Variants in CC2D2A observed in about 807,000 individuals in gnomAD.
CC2D2A encodes coiled-coil and C2 domain-containing protein 2A.
CC2D2A carries 155 observed loss-of-function variants against 212.9 expected under a neutral mutation model. That is an observed-to-expected ratio of 0.73 (90% CI 0.64 to 0.83). CC2D2A has a LOEUF of 0.83. Among genes scored for constraint, CC2D2A ranks in the 40% least tolerant of loss-of-function variants. The pLI, the probability that CC2D2A is intolerant of heterozygous loss-of-function variation, is 0.00. For synonymous variants in CC2D2A, 667 were observed against 686.5 expected, an observed-to-expected ratio of 0.97 and a Z score of 0.44; for missense variants, 1,856 against 1,956.2, an observed-to-expected ratio of 0.95 and a Z score of 0.97.
At chr4:15,510,597 T>A (rs1399168705) in intron 7 of CC2D2A, among the ~76,000 whole-genome samples, 35 of 152,116 alleles carry the variant, frequency 2.3e-4, no homozygotes, top group Non-Finnish European at 2.9e-5. Context: ...CCTCATCTCT[T>A]AATTAAAAAT....
Position 15,563,743 on chromosome 4 carries a change from G to C in CC2D2A, c.3182+221G>C, listed in dbSNP as rs1371427447. ...TATTAAGAACATCTCAAATAACTCG[G>C]ACAAGAGGTATAGCTGAATTACAAG... On this transcript the variant is annotated intron_variant, in intron 24 of 36. Coordinates refer to ENST00000424120, the MANE Select transcript of CC2D2A (RefSeq NM_001378615.1). The C allele has an allele frequency of 7.3e-6, 4 of 549,310 alleles. No homozygotes were observed. The East Asian group carries it at 1.2e-4, about 16-fold the overall frequency. 34.0% of individuals were successfully genotyped at this position (549,310 alleles called of 1,614,324 possible).
intron 13 of CC2D2A, among the ~76,000 whole-genome samples, chr4:15,530,317 T>C (rs1021681597): frequency 1.3e-5 from 2 of 152,134 alleles, no homozygotes; most frequent in African/African-American, 4.8e-5. Flanking sequence ...TAGCTATGAG[T>C]TGGAAATTCT....
chr4:15,500,097 G>GTATATATATATATA (rs1487111003), intron 4 of CC2D2A, among the ~76,000 whole-genome samples: 1 of 53,022 alleles, frequency 1.9e-5, no homozygotes, highest in African/African-American at 5.6e-5. Context: ...GTGTGTGTGT[G>GTATATATATATATA]TGTGTGTGTG....
At chr4:15,552,877 G>A (rs999164796) in intron 18 of CC2D2A, among the ~76,000 whole-genome samples, 1 of 152,240 alleles carries the variant, frequency 6.6e-6, no homozygotes, top group African/African-American at 2.4e-5. Flanking sequence ...CTATGGCTCA[G>A]AAAGTTAACT....
chr4:15,481,745 T>C, intron 4 of CC2D2A: 1 of 973,430 alleles, frequency 1.0e-6, no homozygotes, highest in Middle Eastern at 5.3e-4. Context: ...TTTATAGCAA[T>C]GCAAAATGGA....
chr4:15,589,402 A>C (rs1577398761), intron 32 of CC2D2A, 143 bp from the exon 33 acceptor site: 1 of 785,672 alleles, frequency 1.3e-6, no homozygotes, highest in East Asian at 2.7e-5. Context: ...CATAACCTAG[A>C]ACTTCAAAGT....
chr4:15,597,675 G>A (rs897316372), intron 35 of CC2D2A, among the ~76,000 whole-genome samples: 1 of 152,160 alleles, frequency 6.6e-6, no homozygotes, highest in African/African-American at 2.4e-5. Context: ...AACCAGAGTG[G>A]AACACCAGTA....
intron 11 of CC2D2A, among the ~76,000 whole-genome samples, chr4:15,520,588 TA>T: frequency 6.6e-6 from 1 of 152,186 alleles, no homozygotes; most frequent in Non-Finnish European, 1.5e-5. Flanking sequence ...TTTGAAATTC[TA>T]AACTAATTTA....
At chr4:15,480,485 G>A (rs1246396770) in intron 3 of CC2D2A, among the ~76,000 whole-genome samples, 1 of 152,154 alleles carries the variant, frequency 6.6e-6, no homozygotes, top group Non-Finnish European at 1.5e-5. Flanking sequence ...GTTATTTGGG[G>A]ACGCCTTGAT....
intron 29 of CC2D2A, among the ~76,000 whole-genome samples, chr4:15,577,075 CCTCG>C (rs1164504082): frequency 6.6e-6 from 1 of 152,194 alleles, no homozygotes; most frequent in Admixed American, 6.5e-5. Flanking sequence ...CTTGCTGCAG[CCTCG>C]ACCTCTTCAG....
intron 17 of CC2D2A, among the ~76,000 whole-genome samples, chr4:15,550,174 A>G (rs1036650199): frequency 6.6e-6 from 1 of 152,184 alleles, no homozygotes; most frequent in Admixed American, 6.5e-5. Flanking sequence ...TTGCCCTGCA[A>G]TGGGGCCCTT....
In CC2D2A at chr4:15,597,460, A is replaced by G. The variant is rs863225179; in HGVS notation, c.4491A>G (p.Gln1497=). 5 of 1,553,190 alleles carry G rather than the reference A, an allele frequency of 3.2e-6. No individual in the cohort carries two copies. The highest frequency in any genetic ancestry group is 1.7e-4 in the Middle Eastern group (1 of 6,000). ...ACAAAGCAGCTGCAGCTGAGCTACA[A>G]GACAGGTAACATAACATCCATAAAT... The part of the protein sequence containing the change: ...RSDKAAAAEL[Q]DRIEKILKEK... The change falls in exon 35 of 37, where the codon CAA becomes CAG. Residue 1497 remains glutamine (Q), a synonymous_variant. Coordinates refer to ENST00000424120, the MANE Select transcript of CC2D2A (RefSeq NM_001378615.1).
intron 30 of CC2D2A, among the ~76,000 whole-genome samples, 175 bp from the exon 31 acceptor site, chr4:15,585,982 C>T (rs1163659382): frequency 6.6e-6 from 1 of 152,164 alleles, no homozygotes; most frequent in Non-Finnish European, 1.5e-5. Context: ...TAACAATAAC[C>T]TTCCATATAG....
intron 27 of CC2D2A, 61 bp downstream of exon 27, chr4:15,569,450 T>A (rs1720056257): frequency 2.2e-6 from 2 of 929,574 alleles, no homozygotes; most frequent in Non-Finnish European, 3.4e-6. Flanking sequence ...ACCCACTACA[T>A]AAGTTCCAAT....
chr4:15,505,731 C>G (rs1488915045), intron 6 of CC2D2A, among the ~76,000 whole-genome samples: 1 of 152,160 alleles, frequency 6.6e-6, no homozygotes, highest in Non-Finnish European at 1.5e-5. Flanking sequence ...CTACATTGGA[C>G]TTCATCAAAA....
chr4:15,475,163 A>C (rs983206658), intron 1 of CC2D2A, among the ~76,000 whole-genome samples: 10 of 152,174 alleles, frequency 6.6e-5, no homozygotes, highest in Non-Finnish European at 1.5e-4. Flanking sequence ...AATCCCAGCT[A>C]CTTAGGAGGC....
intron 9 of CC2D2A, among the ~76,000 whole-genome samples, chr4:15,515,447 C>T (rs143426639): frequency 1.2e-3 from 190 of 152,276 alleles, no homozygotes; most frequent in African/African-American, 4.3e-3. Context: ...TTACAAAGCA[C>T]GTCCTCATAC....
intron 4 of CC2D2A, chr4:15,481,386 C>T (rs1004766046): frequency 5.7e-6 from 2 of 350,402 alleles, no homozygotes; most frequent in South Asian, 2.2e-5. Flanking sequence ...TGGCGCATGC[C>T]TGTAATCCCA....
chr4:15,500,835 A>C (rs1715906302), intron 4 of CC2D2A, among the ~76,000 whole-genome samples: 1 of 152,096 alleles, frequency 6.6e-6, no homozygotes, highest in Non-Finnish European at 1.5e-5. Context: ...CATTGTCTAC[A>C]AGCGTGAGGA....
Sources: gnomAD v4.1 joint callset for allele counts (sites outside exome capture counted in the v4.1 genomes callset) on GRCh38, gnomAD v4.1.1 for gene constraint, MANE v1.5 for transcripts, NCBI Gene and HGNC (gene_info 2026-07-23, HGNC 2026-07-21) for gene names.